Variants in KCNIP4 observed in about 807,000 individuals in gnomAD.
KCNIP4 encodes the protein Kv channel-interacting protein 4.
KCNIP4 carries 12 observed loss-of-function variants against 34.0 expected under a neutral mutation model. The ratio of observed to expected loss-of-function variants is 0.35; its 90% CI spans 0.23 to 0.57. KCNIP4 has a LOEUF of 0.57. Among genes scored for constraint, KCNIP4 ranks in the 20% least tolerant of loss-of-function variants. The probability of loss-of-function intolerance (pLI) is 0.83; values close to 1 mark genes in which losing one functional copy is unlikely to be tolerated. For missense variants in KCNIP4, 238 were observed against 311.7 expected, an observed-to-expected ratio of 0.76 and a Z score of 1.78; for synonymous variants, 124 against 102.2, an observed-to-expected ratio of 1.21 and a Z score of -1.29.
chr4:21,267,863 T>C (rs915357201), intron 1 of KCNIP4, among the ~76,000 whole-genome samples: 66 of 151,074 alleles, frequency 4.4e-4, no homozygotes, highest in African/African-American at 1.5e-3. Flanking sequence ...GCTGGCCTCA[T>C]AAAATGAGTT....
At chr4:20,754,084 T>G (rs1301311306) in intron 4 of KCNIP4, among the ~76,000 whole-genome samples, 1 of 152,168 alleles carries the variant, frequency 6.6e-6, no homozygotes, top group Non-Finnish European at 1.5e-5. Context: ...CTGTTGTATG[T>G]GGAGTTTAAG....
chr4:21,342,361 A>G (rs1716843377), intron 1 of KCNIP4, among the ~76,000 whole-genome samples: 1 of 152,194 alleles, frequency 6.6e-6, no homozygotes, highest in African/African-American at 2.4e-5. Context: ...TATACAGCAT[A>G]GGAAAAAAAG....
intron 1 of KCNIP4, among the ~76,000 whole-genome samples, chr4:21,348,963 C>T (rs1717734264): frequency 6.6e-6 from 1 of 152,094 alleles, no homozygotes; most frequent in South Asian, 2.1e-4. Context: ...GAAAAAGATG[C>T]TTCTGCCTGA....
intron 3 of KCNIP4, chr4:20,850,312 A>C: frequency 2.7e-6 from 1 of 374,672 alleles, no homozygotes; most frequent in Non-Finnish European, 4.9e-6. Flanking sequence ...AATTGAATAA[A>C]ACTTTCTCAG....
chr4:21,745,110 CA>C (rs1443784179), intron 1 of KCNIP4, among the ~76,000 whole-genome samples: 9 of 152,114 alleles, frequency 5.9e-5, no homozygotes, highest in Non-Finnish European at 1.3e-4. Flanking sequence ...ATGGAAAAGA[CA>C]GACATGTCTA....
At chr4:21,045,764 T>C (rs1384755209) in intron 1 of KCNIP4, among the ~76,000 whole-genome samples, 2 of 152,190 alleles carry the variant, frequency 1.3e-5, no homozygotes. Flanking sequence ...AAAATATGAA[T>C]ACAGCATTAA....
chr4:21,002,621 GAGTGTTAAAAATGCAA>G (rs1738239239), intron 1 of KCNIP4, among the ~76,000 whole-genome samples: 1 of 152,228 alleles, frequency 6.6e-6, no homozygotes, highest in Non-Finnish European at 1.5e-5. Flanking sequence ...ATACGTGGGA[GAGTGTTAAAAATGCAA>G]ATTCTCGGGC....
chr4:20,844,757 C>CCATCTGTTT (rs1291875465), intron 3 of KCNIP4, among the ~76,000 whole-genome samples: 2 of 152,140 alleles, frequency 1.3e-5, no homozygotes, highest in African/African-American at 4.8e-5. Context: ...ATTTTACCTT[C>CCATCTGTTT]CATCTGTTTC....
chr4:21,944,450 G>A (rs960744618), intron 1 of KCNIP4, among the ~76,000 whole-genome samples: 6 of 151,390 alleles, frequency 4.0e-5, no homozygotes, highest in African/African-American at 7.3e-5. Flanking sequence ...CTGGCTACTC[G>A]GGAGGCTGAG....
At chr4:21,075,522 C>T (rs1455711320) in intron 1 of KCNIP4, among the ~76,000 whole-genome samples, 2 of 151,930 alleles carry the variant, frequency 1.3e-5, no homozygotes, top group Admixed American at 6.6e-5. Context: ...GTATTTTGAG[C>T]CTATGTGTGT....
intron 1 of KCNIP4, among the ~76,000 whole-genome samples, chr4:21,935,606 A>G (rs551998273): frequency 6.6e-6 from 1 of 151,934 alleles, no homozygotes; most frequent in Admixed American, 6.6e-5. Context: ...TCCCTTCTAC[A>G]CTAGAGGACC....
At chr4:21,031,116 C>T (rs28459344) in intron 1 of KCNIP4, among the ~76,000 whole-genome samples, 3,765 of 152,292 alleles carry the variant, frequency 0.025, 146 homozygotes, top group African/African-American at 0.084. Context: ...AAGACTACGC[C>T]TCCCATGACT....
intron 3 of KCNIP4, among the ~76,000 whole-genome samples, chr4:20,848,077 G>A (rs1560511283): frequency 6.6e-6 from 1 of 152,088 alleles, no homozygotes; most frequent in Admixed American, 6.6e-5. Flanking sequence ...TTGTACATTT[G>A]ACTAGGGGGA....
chr4:21,171,127 T>C (rs1488489791), intron 1 of KCNIP4, among the ~76,000 whole-genome samples: 1 of 152,212 alleles, frequency 6.6e-6, no homozygotes, highest in Non-Finnish European at 1.5e-5. Flanking sequence ...TTTCACTTTA[T>C]TGATTCTTTT....
At chr4:21,585,335 T>C (rs549722307) in intron 1 of KCNIP4, among the ~76,000 whole-genome samples, 2 of 152,180 alleles carry the variant, frequency 1.3e-5, no homozygotes, top group East Asian at 3.9e-4. Flanking sequence ...CTACTTACTA[T>C]GCTTCACTGA....
intron 1 of KCNIP4, among the ~76,000 whole-genome samples, chr4:20,960,544 C>T (rs1274297572): frequency 2.0e-5 from 3 of 152,192 alleles, no homozygotes; most frequent in Non-Finnish European, 2.9e-5. Context: ...TATTTCACCT[C>T]ATGCACAGGG....
intron 1 of KCNIP4, among the ~76,000 whole-genome samples, chr4:21,690,831 A>C (rs551091356): frequency 6.6e-6 from 1 of 152,320 alleles, no homozygotes; most frequent in East Asian, 1.9e-4. Flanking sequence ...CATTTAATTT[A>C]GCTGATTATA....
intron 1 of KCNIP4, among the ~76,000 whole-genome samples, chr4:21,562,769 TTTAAAA>T: frequency 6.6e-6 from 1 of 152,048 alleles, no homozygotes; most frequent in East Asian, 1.9e-4. Context: ...CACGCAGGGA[TTTAAAA>T]TTGAGTTATC....
intron 1 of KCNIP4, among the ~76,000 whole-genome samples, chr4:21,528,693 A>G (rs1200084761): frequency 8.7e-4 from 1 of 1,144 alleles, no homozygotes; most frequent in African/African-American, 3.4e-3. Flanking sequence ...GAAAGAAAGA[A>G]AGAAAGAAAG....
Sources: allele counts gnomAD v4.1 joint callset (sites outside exome capture counted in the v4.1 genomes callset), GRCh38; gene constraint gnomAD v4.1.1; transcripts MANE v1.5; gene names NCBI Gene and HGNC (gene_info 2026-07-23, HGNC 2026-07-21).